Variants in ZNF229 observed in about 807,000 individuals in gnomAD.
ZNF229 encodes the protein zinc finger protein 229.
ZNF229 carries 10 observed loss-of-function variants against 11.8 expected under a neutral mutation model. The observed-to-expected ratio is 0.85, with a 90% CI of 0.52 to 1.44. ZNF229 has a LOEUF of 1.44. Among genes scored for constraint, ZNF229 ranks in the 40% most tolerant of loss-of-function variants. The pLI, the probability that ZNF229 is intolerant of heterozygous loss-of-function variation, is 0.00. For missense variants in ZNF229, 1,045 were observed against 1,015.1 expected, an observed-to-expected ratio of 1.03 and a Z score of -0.40; for synonymous variants, 368 against 374.8, an observed-to-expected ratio of 0.98 and a Z score of 0.21.
rs201858404 is a variant in ZNF229, at chr19:44,428,932, T to C, written c.1849A>G (p.Ile617Val). The change falls in exon 6 of 6, where the codon ATC (isoleucine) becomes GTC (valine). Residue 617 changes from isoleucine (I) to valine (V), a missense_variant. By Grantham distance (29) the Ile-to-Val change is conservative. Coordinates refer to ENST00000614049, the MANE Select transcript of ZNF229 (RefSeq NM_014518.4). Reference sequence around the variant, plus strand: ...TCTCCAGTGTGGACCCTCTGATGGATAAGGAGGTCGGAGCTGTAGATGAAA... The same window carrying C: ...TCTCCAGTGTGGACCCTCTGATGGACAAGGAGGTCGGAGCTGTAGATGAAA... ...KGFIYSSDLL[I>V]HQRVHTGEKP... is the part of the protein sequence containing the mutation. 2.7e-5 allele frequency: 44 copies of C among 1,612,152 alleles called. 1 individual carries two copies. The highest frequency in any genetic ancestry group is 1.7e-5 in the Non-Finnish European group (20 of 1,179,458).
intron 4 of ZNF229, among the ~76,000 whole-genome samples, chr19:44,440,125 A>T (rs1971882601): frequency 6.6e-6 from 1 of 152,098 alleles, no homozygotes; most frequent in African/African-American, 2.4e-5. Flanking sequence ...CTTGCTAGAA[A>T]AAGAATTAAT....
Position 44,429,176 on chromosome 19 carries a change from A to G in ZNF229, c.1605T>C (p.His535=). Reference sequence around the variant, plus strand: ...GTTTCTCTCCTGTGTGCAGTCTCTGATGCATGAGAAGCCCTGAGCTGTAAC... The same window carrying G: ...GTTTCTCTCCTGTGTGCAGTCTCTGGTGCATGAGAAGCCCTGAGCTGTAAC... ...SFSYSSGLLM[H]QRLHTGEKPY... Residue 535 remains histidine (H), a synonymous_variant, in exon 6 of 6, where the codon CAT becomes CAC. Transcript: ENST00000614049. The G allele has an allele frequency of 6.2e-7, 1 of 1,612,158 alleles. No homozygotes were observed. The highest frequency in any genetic ancestry group is 2.2e-5 in the East Asian group (1 of 44,690).
chr19:44,440,911 G>C (rs978151783), intron 4 of ZNF229, among the ~76,000 whole-genome samples: 17 of 151,992 alleles, frequency 1.1e-4, no homozygotes, highest in African/African-American at 4.1e-4. Context: ...TTTTTGTAGA[G>C]ACAAGATTTT....
chr19:44,438,101 T>C (rs144685709), intron 4 of ZNF229, among the ~76,000 whole-genome samples: 213 of 152,308 alleles, frequency 1.4e-3, no homozygotes, highest in African/African-American at 4.9e-3. Context: ...AACCTGCCTA[T>C]GTACCCTGAA....
chr19:44,444,325 G>A (rs567690071), intron 2 of ZNF229, among the ~76,000 whole-genome samples: 1 of 152,092 alleles, frequency 6.6e-6, no homozygotes, highest in East Asian at 1.9e-4. Flanking sequence ...GACACTCACT[G>A]GATTTTACTG....
chr19:44,426,393 T>C lies in ZNF229; in HGVS notation c.*1910A>G, dbSNP rs1186393700. The C allele has an allele frequency of 6.6e-6, 1 of 152,192 alleles. No individual in the cohort carries two copies. Among genetic ancestry groups the C allele is most frequent in the African/African-American group, 2.4e-5 (1 of 41,414 alleles). The allele number at this position is 152,192 out of a possible 1,614,324, so 9.4% of individuals were successfully genotyped here. A position where few individuals can be genotyped will look rare whatever the true frequency, so the allele number is the denominator to read the frequency against. On this transcript the variant is annotated 3_prime_UTR_variant, in exon 6 of 6. Transcript: ENST00000614049. ...ACATAAAAGTACAACATATGTATTA[T>C]ACATTCAGAATCCCACCACTAGAGA...
At chr19:44,446,683 T>C (rs1972008331) in intron 2 of ZNF229, among the ~76,000 whole-genome samples, 2 of 152,174 alleles carry the variant, frequency 1.3e-5, no homozygotes, top group African/African-American at 4.8e-5. Flanking sequence ...CTTAGGAGAA[T>C]AAACACTAGA....
At chr19:44,433,740 G>A (rs146495093) in intron 4 of ZNF229, among the ~76,000 whole-genome samples, 65 of 152,036 alleles carry the variant, frequency 4.3e-4, no homozygotes, top group Non-Finnish European at 7.6e-4. Context: ...AAATCACCCA[G>A]TCTCGGGTTT....
chr19:44,441,892 A>C (rs1162861106), intron 4 of ZNF229, among the ~76,000 whole-genome samples: 1 of 152,130 alleles, frequency 6.6e-6, no homozygotes, highest in African/African-American at 2.4e-5. Flanking sequence ...CCCAGCTAAC[A>C]GTGCATGTTG....
intron 5 of ZNF229, 23 bp downstream of exon 5, chr19:44,432,199 C>T (rs1385855874): frequency 6.3e-7 from 1 of 1,599,494 alleles, no homozygotes; most frequent in South Asian, 1.1e-5. Context: ...CAAGAACACT[C>T]CAAGAAGTTC....
chr19:44,442,575 C>T lies in ZNF229; in HGVS notation c.81G>A (p.Lys27=). The change falls in exon 4 of 6, where the codon AAG becomes AAA. Residue 27 remains lysine (K), a synonymous_variant. Transcript: ENST00000614049. ...ASAISQDREE[K]IMSQEPLSFK... ...GAAAACAACCCACCTGAGACATGAT[C>T]TTCTCCTCCCTATCTTGGGAAATGG... is the stretch of plus-strand genomic sequence containing the variant. The T allele has an allele frequency of 6.2e-7, 1 of 1,614,054 alleles. No homozygotes were observed.
At chr19:44,442,660 C>G in intron 3 of ZNF229, 39 bp from the exon 4 acceptor site, 1 of 1,611,258 alleles carries the variant, frequency 6.2e-7, no homozygotes, top group Non-Finnish European at 8.5e-7. Context: ...GGAGTTGGTG[C>G]TGCCTGAAGC....
intron 4 of ZNF229, among the ~76,000 whole-genome samples, chr19:44,438,487 C>T (rs900033457): frequency 3.3e-5 from 5 of 151,972 alleles, no homozygotes; most frequent in African/African-American, 4.8e-5. Flanking sequence ...AAGTGTGTGA[C>T]GCTGTGAAAT....
In ZNF229 at chr19:44,426,254, T is replaced by C. The variant is rs534854003; in HGVS notation, c.*2049A>G. ...ACAGGAGAAAAAGCCAAAAAAGTTA[T>C]AGAGGTTACAACATGAATCTTTAAT... On this transcript the variant is annotated 3_prime_UTR_variant, in exon 6 of 6. Coordinates refer to ENST00000614049, the MANE Select transcript of ZNF229 (RefSeq NM_014518.4). 5.3e-5 allele frequency: 8 copies of C among 152,276 alleles called. No individual in the cohort carries two copies. Among genetic ancestry groups the C allele is most frequent in the Non-Finnish European group, 1.0e-4 (7 of 68,030 alleles). The allele number at this position is 152,276 out of a possible 1,614,324, so 9.4% of individuals were successfully genotyped here.
In ZNF229 at chr19:44,427,028, C is replaced by T. The variant is rs955725918; in HGVS notation, c.*1275G>A. 2 of 152,090 alleles carry T rather than the reference C, an allele frequency of 1.3e-5. No individual in the cohort carries two copies. Among genetic ancestry groups the T allele is most frequent in the African/African-American group, 4.8e-5 (2 of 41,370 alleles). The allele number at this position is 152,090 out of a possible 1,614,324, so 9.4% of individuals were successfully genotyped here. On this transcript the variant is annotated 3_prime_UTR_variant, in exon 6 of 6. Coordinates refer to ENST00000614049, the MANE Select transcript of ZNF229 (RefSeq NM_014518.4). ...AAAAGAGAAATAAGGACCTTCTTCA[C>T]AAGGGGACAGGAGAGAGACAGCGAG... is the stretch of plus-strand genomic sequence containing the variant.
chr19:44,441,602 C>T lies in ZNF229; in HGVS notation c.93+961G>A, dbSNP rs145366002. 7.7e-3 allele frequency among the ~76,000 whole-genome samples: 1,177 copies of T among 151,998 alleles called. 14 individuals are homozygous for T. The highest frequency in any genetic ancestry group is 0.026 in the African/African-American group (1,062 of 41,426). On this transcript the variant is annotated intron_variant, in intron 4 of 5. Coordinates refer to ENST00000614049, the MANE Select transcript of ZNF229 (RefSeq NM_014518.4). ...GCAGCTTAGAATCTAGACAAAAGAA[C>T]GAATGAAACTACAATTCACTAATTC...
chr19:44,433,544 T>G (rs867138276), intron 4 of ZNF229, among the ~76,000 whole-genome samples: 2 of 151,876 alleles, frequency 1.3e-5, no homozygotes, highest in East Asian at 3.9e-4. Context: ...GTATGGTACC[T>G]CTACCCCCGC....
chr19:44,430,127 A>C lies in ZNF229; in HGVS notation c.654T>G (p.Asp218Glu). 1 of 1,614,148 alleles carries C rather than the reference A, an allele frequency of 6.2e-7. No homozygotes were observed. The highest frequency in any genetic ancestry group is 1.1e-5 in the South Asian group (1 of 91,086). ...AAGATATCCAGCAAAAGCTGTCATCATCCCAGTTACATTTATATACTGTGT... is the reference window on the plus strand; with the variant it reads ...AAGATATCCAGCAAAAGCTGTCATCCTCCCAGTTACATTTATATACTGTGT... ...TEDTVYKCNW[D>E]DDSFCWISCH... Residue 218 changes from aspartate to glutamate, a missense_variant, in exon 6 of 6, where the codon GAT becomes GAG. By Grantham distance (45) the Asp-to-Glu change is conservative. Coordinates refer to ENST00000614049, the MANE Select transcript of ZNF229 (RefSeq NM_014518.4).
At chr19:44,448,261 G>A (rs1035438752) in intron 1 of ZNF229, 48 bp downstream of exon 1, 4 of 152,248 alleles carry the variant, frequency 2.6e-5, no homozygotes, top group Admixed American at 6.5e-5. Context: ...ACCCCGCACA[G>A]GCGCTCAGAA....
Sources: gnomAD v4.1 joint callset for allele counts (sites outside exome capture counted in the v4.1 genomes callset) on GRCh38, gnomAD v4.1.1 for gene constraint, MANE v1.5 for transcripts, NCBI Gene and HGNC (gene_info 2026-07-23, HGNC 2026-07-21) for gene names.